Variants in KANSL1 observed in about 807,000 individuals in gnomAD.
The protein encoded by KANSL1 is MLL1/MLL complex subunit KANSL1.
Under a neutral mutation model 103.6 loss-of-function variants are expected in KANSL1, and 22 were observed. The ratio of observed to expected loss-of-function variants is 0.21; its 90% CI spans 0.15 to 0.30. KANSL1 has a LOEUF of 0.30. KANSL1 is among the 10% of genes least tolerant of loss of function. The pLI is 1.00. For synonymous variants in KANSL1, 600 were observed against 527.6 expected (o/e 1.14, Z -1.88); for missense variants, 1,337 against 1,399.8 (o/e 0.96, Z 0.72).
chr17:46,187,078 A>C (rs1362296009), intron 1 of KANSL1, among the ~76,000 whole-genome samples: 1 of 151,932 alleles, frequency 6.6e-6, no homozygotes, highest in Admixed American at 6.6e-5. Flanking sequence ...AGAAACCAGA[A>C]ACTAGCTACA....
At chr17:46,180,791 G>A (rs1466581375) in intron 1 of KANSL1, among the ~76,000 whole-genome samples, 1 of 152,144 alleles carries the variant, frequency 6.6e-6, no homozygotes, top group Non-Finnish European at 1.5e-5. Context: ...CTTGAGGCCA[G>A]GAGTTTGAGA....
chr17:46,195,965 G>C (rs2047593761), upstream of KANSL1: 2 of 160,386 alleles, frequency 1.2e-5, no homozygotes, highest in Admixed American at 1.3e-4. Flanking sequence ...AAAAAGGCCT[G>C]GTGCAGCAGC....
intron 2 of KANSL1, among the ~76,000 whole-genome samples, chr17:46,155,800 G>C (rs187276291): frequency 3.9e-5 from 6 of 152,270 alleles, no homozygotes; most frequent in African/African-American, 1.4e-4. Flanking sequence ...AAGTGCAGTG[G>C]CTCACACCTA....
intron 14 of KANSL1, 32 bp downstream of exon 14, chr17:46,032,015 T>A (rs773591156): frequency 1.2e-6 from 2 of 1,613,328 alleles, no homozygotes; most frequent in Admixed American, 1.7e-5. Flanking sequence ...CCCCCAACCA[T>A]GCCAACCCCA....
intron 3 of KANSL1, among the ~76,000 whole-genome samples, chr17:46,085,865 C>A (rs550647139): frequency 2.6e-5 from 4 of 152,108 alleles, no homozygotes; most frequent in South Asian, 2.1e-4. Context: ...TAGACTCAAG[C>A]AATCCACCTG....
intron 2 of KANSL1, among the ~76,000 whole-genome samples, chr17:46,130,652 A>G (rs2043821877): frequency 6.6e-6 from 1 of 152,244 alleles, no homozygotes; most frequent in Non-Finnish European, 1.5e-5. Flanking sequence ...CAACAAACCT[A>G]GAGAGTCAGT....
At chr17:46,103,068 T>G (rs913384533) in intron 2 of KANSL1, among the ~76,000 whole-genome samples, 56 of 152,238 alleles carry the variant, frequency 3.7e-4, no homozygotes, top group African/African-American at 1.3e-3. Context: ...AATGGTTATG[T>G]GGTTAGAACT....
intron 1 of KANSL1, among the ~76,000 whole-genome samples, chr17:46,174,792 A>G (rs1449986240): frequency 1.1e-4 from 17 of 152,184 alleles, no homozygotes; most frequent in Admixed American, 1.1e-3. Context: ...CTCCTGCATC[A>G]GCCTCCTAGT....
intron 4 of KANSL1, among the ~76,000 whole-genome samples, chr17:46,069,708 C>T (rs537424544): frequency 6.6e-6 from 1 of 152,144 alleles, no homozygotes; most frequent in East Asian, 1.9e-4. Flanking sequence ...CACGCCACTG[C>T]ACTGCAGCCT....
At chr17:46,088,390 A>G (rs553887077) in intron 3 of KANSL1, 1 of 152,432 alleles carries the variant, frequency 6.6e-6, no homozygotes, top group African/African-American at 2.4e-5. Flanking sequence ...TAAGTTGTCT[A>G]AAGTGCTTTA....
chr17:46,107,674 C>A (rs1485845709), intron 2 of KANSL1, among the ~76,000 whole-genome samples: 1 of 152,176 alleles, frequency 6.6e-6, no homozygotes, highest in Non-Finnish European at 1.5e-5. Context: ...GAGCTGAAAT[C>A]GCTCCCCTCA....
rs147080346 is a variant in KANSL1, at chr17:46,050,987, T to C, written c.1849-283A>G. On this transcript the variant is annotated intron_variant, in intron 6 of 14. Transcript: ENST00000432791. ...CTAAGTGCTTACCTAGGTATCAAAC[T>C]TCTGACAGTTTAAAAAGATACTAAA... Among the ~76,000 whole-genome samples, 1,140 of 152,358 alleles carry C rather than the reference T, an allele frequency of 7.5e-3. 15 individuals are homozygous for C. The highest frequency in any genetic ancestry group is 0.027 in the African/African-American group (1,104 of 41,578).
chr17:46,041,184 A>T (rs1238997656), intron 7 of KANSL1: 2 of 152,176 alleles, frequency 1.3e-5, no homozygotes, highest in Non-Finnish European at 2.9e-5. Context: ...TTCGTTATAG[A>T]CTTTTTCTTG....
chr17:46,138,632 G>A (rs1481864083), intron 2 of KANSL1, among the ~76,000 whole-genome samples: 1 of 152,232 alleles, frequency 6.6e-6, no homozygotes, highest in Non-Finnish European at 1.5e-5. Context: ...TTTCACATCA[G>A]AGAGACTCCA....
intron 1 of KANSL1, among the ~76,000 whole-genome samples, chr17:46,200,065 A>ACACACACACACC (rs760204883): frequency 7.3e-5 from 11 of 151,304 alleles, no homozygotes; most frequent in Admixed American, 3.3e-4. Flanking sequence ...ACACACACAC[A>ACACACACACACC]CCCTGATTAT....
chr17:46,125,185 C>T (rs924645768), intron 2 of KANSL1, among the ~76,000 whole-genome samples: 1 of 152,048 alleles, frequency 6.6e-6, no homozygotes, highest in African/African-American at 2.4e-5. Flanking sequence ...CAGCAGCCAT[C>T]AACATGGAGA....
rs1398148756 is a variant in KANSL1 at position 46,039,049 on chromosome 17, G to T, written c.2370C>A (p.Asp790Glu). The T allele has an allele frequency of 6.2e-7, 1 of 1,611,332 alleles. No individual in the cohort carries two copies. Residue 790 changes from aspartate (D) to glutamate (E), a missense_variant, in exon 9 of 15, where the codon GAC (aspartate) becomes GAA (glutamate). Asp to Glu is a conservative substitution (Grantham distance 45). Around this residue, in one of 2 missense-constraint regions of KANSL1, gnomAD observed 780 missense variants for 923.4 expected, o/e 0.84. Coordinates refer to ENST00000432791, the MANE Select transcript of KANSL1 (RefSeq NM_015443.4). ...TACCTTCACTTCTCTCAGATGAATG[G>T]TCTCGCAATCTCATTTTGCTGTGGT... ...DPNHSKMRLRDHSSERSEVLK... is the reference protein window; with the variant it reads ...DPNHSKMRLREHSSERSEVLK...
At chr17:46,043,180 G>A (rs2077386065) in intron 7 of KANSL1, 1 of 152,174 alleles carries the variant, frequency 6.6e-6, no homozygotes, top group African/African-American at 2.4e-5. Flanking sequence ...CAGCAGAAGA[G>A]TTACTCCCAC....
chr17:46,193,497 T>A (rs1394256680), upstream of KANSL1: 5 of 148,838 alleles, frequency 3.4e-5, no homozygotes, highest in South Asian at 1.0e-3. Flanking sequence ...CTCCGCCGGC[T>A]GCGGCTGCGG....
Sources: gnomAD v4.1 joint callset for allele counts (sites outside exome capture counted in the v4.1 genomes callset) on GRCh38, gnomAD v4.1.1 for gene constraint, gnomAD v4.1.1 regional missense constraint, MANE v1.5 for transcripts, NCBI Gene and HGNC (gene_info 2026-07-23, HGNC 2026-07-21) for gene names.